NXPH1: variants seen among roughly 807,000 people sequenced by gnomAD.
NXPH1 encodes neurexophilin-1.
A neutral mutation model predicts 23.7 loss-of-function variants in NXPH1; 5 were observed. That is an observed-to-expected ratio of 0.21 (90% CI 0.11 to 0.44). The LOEUF (loss-of-function observed/expected upper bound fraction) is 0.44. Ranked by LOEUF, NXPH1 falls within the 20% of genes least tolerant of loss-of-function variation. The pLI is 0.99. For missense variants in NXPH1, 324 were observed against 321.6 expected, an observed-to-expected ratio of 1.01 and a Z score of -0.06; for synonymous variants, 144 against 122.2, an observed-to-expected ratio of 1.18 and a Z score of -1.18.
intron 2 of NXPH1, among the ~76,000 whole-genome samples, chr7:8,539,000 T>C (rs1164295088): frequency 6.6e-6 from 1 of 151,920 alleles, no homozygotes; most frequent in Non-Finnish European, 1.5e-5. Flanking sequence ...TGATAATTCA[T>C]GTAAATCTGA....
At chr7:8,576,895 A>T (rs1265541793) in intron 2 of NXPH1, among the ~76,000 whole-genome samples, 1 of 152,128 alleles carries the variant, frequency 6.6e-6, no homozygotes, top group African/African-American at 2.4e-5. Flanking sequence ...TAAAGTAATC[A>T]ATTCTGGTCT....
intron 2 of NXPH1, among the ~76,000 whole-genome samples, chr7:8,636,368 G>C (rs1820219021): frequency 6.6e-6 from 1 of 152,142 alleles, no homozygotes; most frequent in African/African-American, 2.4e-5. Context: ...ATTTTGGCCT[G>C]CAAAAGTGTT....
intron 2 of NXPH1, among the ~76,000 whole-genome samples, chr7:8,493,927 T>C (rs1355819791): frequency 1.3e-5 from 2 of 152,052 alleles, no homozygotes; most frequent in Non-Finnish European, 2.9e-5. Flanking sequence ...TATTTTATCA[T>C]GTTTTTGTTC....
chr7:8,600,328 G>A (rs1347621355), intron 2 of NXPH1, among the ~76,000 whole-genome samples: 3 of 152,146 alleles, frequency 2.0e-5, no homozygotes, highest in Non-Finnish European at 4.4e-5. Flanking sequence ...ATTTTGCAAG[G>A]TTCAATTTAT....
chr7:8,637,265 C>G (rs796548817), intron 2 of NXPH1, among the ~76,000 whole-genome samples: 4 of 151,462 alleles, frequency 2.6e-5, no homozygotes, highest in African/African-American at 9.7e-5. Context: ...CTTTTTAAAC[C>G]AGACTGGAGT....
chr7:8,615,991 G>T (rs140136684), intron 2 of NXPH1, among the ~76,000 whole-genome samples: 2 of 151,996 alleles, frequency 1.3e-5, no homozygotes, highest in Non-Finnish European at 2.9e-5. Context: ...CTTATTCTCC[G>T]CATAGCAGCC....
chr7:8,571,015 GTCTATCTAATCTAATCTAATCTAA>G (rs1818633886), intron 2 of NXPH1, among the ~76,000 whole-genome samples: 1 of 131,394 alleles, frequency 7.6e-6, no homozygotes, highest in African/African-American at 2.9e-5. Context: ...CTATCTGTCT[GTCTATCTAATCTAATCTAATCTAA>G]TCTAATCTAA....
At chr7:8,450,165 T>A (rs1465201052) in intron 2 of NXPH1, among the ~76,000 whole-genome samples, 7 of 152,176 alleles carry the variant, frequency 4.6e-5, no homozygotes, top group African/African-American at 1.4e-4. Flanking sequence ...TTATTTGCCA[T>A]GTCTTGGCAG....
intron 2 of NXPH1, among the ~76,000 whole-genome samples, chr7:8,625,657 G>A (rs189542338): frequency 2.0e-4 from 30 of 152,168 alleles, no homozygotes; most frequent in African/African-American, 7.2e-4. Context: ...CTATTTCTCA[G>A]AACTTTTACC....
At chr7:8,614,460 G>T (rs1819690472) in intron 2 of NXPH1, among the ~76,000 whole-genome samples, 2 of 151,618 alleles carry the variant, frequency 1.3e-5, no homozygotes, top group African/African-American at 4.8e-5. Flanking sequence ...GTAGATATAT[G>T]TATATGTCTA....
chr7:8,575,706 C>T (rs1818741600), intron 2 of NXPH1, among the ~76,000 whole-genome samples: 1 of 151,408 alleles, frequency 6.6e-6, no homozygotes, highest in South Asian at 2.1e-4. Flanking sequence ...CTGTGAAGCA[C>T]TGTTTTATTT....
At chr7:8,633,894 T>A (rs1327139499) in intron 2 of NXPH1, among the ~76,000 whole-genome samples, 1 of 152,196 alleles carries the variant, frequency 6.6e-6, no homozygotes, top group African/African-American at 2.4e-5. Context: ...AGTATTTGCT[T>A]AAGAATTTGA....
At chr7:8,550,303 G>C (rs1260414970) in intron 2 of NXPH1, among the ~76,000 whole-genome samples, 1 of 151,540 alleles carries the variant, frequency 6.6e-6, no homozygotes, top group Non-Finnish European at 1.5e-5. Flanking sequence ...GGGCAAAAGG[G>C]GGGTGTTGCT....
At chr7:8,619,106 G>T (rs147109001) in intron 2 of NXPH1, among the ~76,000 whole-genome samples, 2 of 152,282 alleles carry the variant, frequency 1.3e-5, no homozygotes, top group East Asian at 3.9e-4. Flanking sequence ...GAGAACTTGA[G>T]CTTGATTTTA....
chr7:8,583,288 G>A (rs1818918161), intron 2 of NXPH1, among the ~76,000 whole-genome samples: 1 of 152,200 alleles, frequency 6.6e-6, no homozygotes, highest in Admixed American at 6.5e-5. Context: ...ATTGTAAAGT[G>A]CCTTCTGGGG....
intron 2 of NXPH1, among the ~76,000 whole-genome samples, chr7:8,580,504 G>T (rs1281946003): frequency 6.6e-6 from 1 of 152,094 alleles, no homozygotes; most frequent in Non-Finnish European, 1.5e-5. Context: ...TGGGAGAGAG[G>T]CTGATCCTTG....
chr7:8,527,919 C>T (rs903181833), intron 2 of NXPH1, among the ~76,000 whole-genome samples: 1 of 152,176 alleles, frequency 6.6e-6, no homozygotes, highest in South Asian at 2.1e-4. Flanking sequence ...GTCAATGACC[C>T]GTGACATGCT....
At chr7:8,521,747 T>C (rs565411718) in intron 2 of NXPH1, among the ~76,000 whole-genome samples, 2 of 152,292 alleles carry the variant, frequency 1.3e-5, no homozygotes, top group South Asian at 2.1e-4. Context: ...TAAATGGCAA[T>C]GTAAGACAAT....
chr7:8,711,573 A>C (rs1372083689), intron 2 of NXPH1, among the ~76,000 whole-genome samples: 1 of 152,172 alleles, frequency 6.6e-6, no homozygotes, highest in Non-Finnish European at 1.5e-5. Flanking sequence ...GGCACAATTT[A>C]TGGAAGGAGT....
Sources: allele counts gnomAD v4.1 joint callset (sites outside exome capture counted in the v4.1 genomes callset), GRCh38; gene constraint gnomAD v4.1.1; transcripts MANE v1.5; gene names NCBI Gene and HGNC (gene_info 2026-07-23, HGNC 2026-07-21).